DLG2: variants seen among roughly 807,000 people sequenced by gnomAD.
The protein encoded by DLG2 is discs large MAGUK scaffold protein 2.
Under a neutral mutation model 132.5 loss-of-function variants are expected in DLG2, and 45 were observed. That is an observed-to-expected ratio of 0.34 (90% confidence interval 0.27 to 0.44). The LOEUF (loss-of-function observed/expected upper bound fraction) is 0.44. Among genes scored for constraint, DLG2 ranks in the 20% least tolerant of loss-of-function variants. The probability of loss-of-function intolerance (pLI) is 1.00; values close to 1 mark genes in which losing one functional copy is unlikely to be tolerated. For synonymous variants in DLG2, 424 were observed against 419.6 expected, an observed-to-expected ratio of 1.01 and a Z score of -0.13; for missense variants, 1,045 against 1,196.9, an observed-to-expected ratio of 0.87 and a Z score of 1.87.
chr11:83,857,824 T>TA (rs1178630483), intron 16 of DLG2, among the ~76,000 whole-genome samples: 1 of 151,818 alleles, frequency 6.6e-6, no homozygotes, highest in African/African-American at 2.4e-5. Context: ...GCTCTTTTTT[T>TA]TTTTTTTACT....
At chr11:84,287,741 GACAC>G (rs373708341) in intron 7 of DLG2, among the ~76,000 whole-genome samples, 16,521 of 139,186 alleles carry the variant, frequency 0.12, 951 homozygotes, top group Admixed American at 0.18. Flanking sequence ...CTCTCTCTTA[GACAC>G]ACACACACAC....
chr11:84,510,222 G>A (rs2099253595), intron 7 of DLG2, among the ~76,000 whole-genome samples: 1 of 151,676 alleles, frequency 6.6e-6, no homozygotes, highest in Non-Finnish European at 1.5e-5. Flanking sequence ...TATCAAAATT[G>A]GAAAGGAAAA....
At chr11:85,527,310 T>C (rs1241257924) in intron 3 of DLG2, among the ~76,000 whole-genome samples, 1 of 152,016 alleles carries the variant, frequency 6.6e-6, no homozygotes, top group African/African-American at 2.4e-5. Context: ...AAGCCCCACA[T>C]GCATTAGGTC....
intron 6 of DLG2, among the ~76,000 whole-genome samples, chr11:84,854,956 CCT>C (rs1320296692): frequency 2.0e-5 from 3 of 151,988 alleles, no homozygotes; most frequent in African/African-American, 4.8e-5. Flanking sequence ...TATTTTTAAA[CCT>C]CTCTAAGTAT....
intron 6 of DLG2, among the ~76,000 whole-genome samples, chr11:84,764,594 G>A (rs536002057): frequency 2.2e-4 from 34 of 152,010 alleles, no homozygotes; most frequent in African/African-American, 8.2e-4. Context: ...AGTTAAAGCA[G>A]GTAAGTCTTG....
chr11:84,980,235 C>T (rs937293851), intron 6 of DLG2, among the ~76,000 whole-genome samples: 2 of 152,092 alleles, frequency 1.3e-5, no homozygotes, highest in Admixed American at 1.3e-4. Flanking sequence ...AACAGAAGTA[C>T]CTCTCATATG....
At chr11:84,229,468 TC>T (rs1252566816) in intron 8 of DLG2, among the ~76,000 whole-genome samples, 4 of 152,226 alleles carry the variant, frequency 2.6e-5, no homozygotes, top group Non-Finnish European at 5.9e-5. Flanking sequence ...GTGGGCAGAT[TC>T]CCAGAATTGA....
At chr11:85,207,626 G>A (rs985548544) in intron 4 of DLG2, among the ~76,000 whole-genome samples, 8 of 151,908 alleles carry the variant, frequency 5.3e-5, no homozygotes, top group African/African-American at 1.9e-4. Context: ...ATTTAAATGA[G>A]TCAATTTTAT....
intron 18 of DLG2, among the ~76,000 whole-genome samples, chr11:83,749,973 A>G (rs1347921853): frequency 6.6e-6 from 1 of 152,216 alleles, no homozygotes. Context: ...TTGAATAAAC[A>G]TAATTCTTCA....
chr11:85,536,553 A>T (rs1003782482), intron 3 of DLG2, among the ~76,000 whole-genome samples: 1 of 152,166 alleles, frequency 6.6e-6, no homozygotes. Context: ...TTGCTGCGCT[A>T]TGAGGGCCCC....
At chr11:83,794,896 A>C (rs1265909780) in intron 17 of DLG2, among the ~76,000 whole-genome samples, 2 of 152,156 alleles carry the variant, frequency 1.3e-5, no homozygotes, top group African/African-American at 4.8e-5. Flanking sequence ...CCTGTCTTTC[A>C]AGGGCATAAG....
At chr11:83,753,842 ATC>A (rs1566831825) in intron 18 of DLG2, among the ~76,000 whole-genome samples, 32 of 11,712 alleles carry the variant, frequency 2.7e-3, no homozygotes, top group African/African-American at 0.02. Context: ...TATGATATAT[ATC>A]ATATATATCA....
intron 6 of DLG2, among the ~76,000 whole-genome samples, chr11:84,847,233 C>T (rs993622224): frequency 6.6e-6 from 1 of 152,086 alleles, no homozygotes; most frequent in African/African-American, 2.4e-5. Flanking sequence ...GAAGGGCCTA[C>T]AGGAGATGGT....
intron 3 of DLG2, among the ~76,000 whole-genome samples, chr11:85,541,059 A>G (rs573204355): frequency 2.5e-4 from 38 of 152,360 alleles, no homozygotes; most frequent in Non-Finnish European, 4.4e-4. Flanking sequence ...ATCTGACTCA[A>G]ATAAATTCTT....
chr11:83,986,718 C>T lies in DLG2; in HGVS notation c.920-6076G>A, dbSNP rs530280091. ...CTATTTCTCCACATCCTCTCCAGCACCTGTTGTTTCCTGACTTTTTAATGA... is the reference window on the plus strand; with the variant it reads ...CTATTTCTCCACATCCTCTCCAGCATCTGTTGTTTCCTGACTTTTTAATGA... On this transcript the variant is annotated intron_variant, in intron 11 of 27. Transcript: ENST00000376104. Among the ~76,000 whole-genome samples the T allele has an allele frequency of 3.5e-3, 529 of 152,012 alleles. 1 individual carries two copies. The highest frequency in any genetic ancestry group is 6.3e-3 in the Non-Finnish European group (426 of 67,966).
intron 7 of DLG2, among the ~76,000 whole-genome samples, chr11:84,447,014 A>C (rs1166992969): frequency 6.6e-6 from 1 of 152,240 alleles, no homozygotes; most frequent in Non-Finnish European, 1.5e-5. Flanking sequence ...TTTAGAGTTT[A>C]ATAAGTATGT....
intron 6 of DLG2, among the ~76,000 whole-genome samples, chr11:85,073,936 G>A (rs1010117875): frequency 1.3e-5 from 2 of 151,810 alleles, no homozygotes; most frequent in East Asian, 1.9e-4. Flanking sequence ...ACAAGATAAT[G>A]TCCTTTGCAG....
chr11:85,428,743 T>C (rs1452539675), intron 3 of DLG2, among the ~76,000 whole-genome samples: 5 of 151,966 alleles, frequency 3.3e-5, no homozygotes, highest in Admixed American at 6.6e-5. Flanking sequence ...CAAACACATT[T>C]GAAAGCTAGC....
chr11:83,585,220 T>G (rs960958492), intron 19 of DLG2, among the ~76,000 whole-genome samples: 5 of 152,198 alleles, frequency 3.3e-5, no homozygotes, highest in African/African-American at 1.2e-4. Context: ...TAAATGATAA[T>G]ATAAATGTTG....
Sources: gnomAD v4.1 joint callset for allele counts (sites outside exome capture counted in the v4.1 genomes callset) on GRCh38, gnomAD v4.1.1 for gene constraint, MANE v1.5 for transcripts, NCBI Gene and HGNC (gene_info 2026-07-23, HGNC 2026-07-21) for gene names.